STT3B: variants seen among roughly 807,000 people sequenced by gnomAD.
The protein encoded by STT3B is STT3 oligosaccharyltransferase complex catalytic subunit B, also known as dolichyl-diphosphooligosaccharide--protein glycosyltransferase subunit STT3B.
In STT3B, 29 loss-of-function variants were observed where a neutral mutation model predicts 96.8. The observed-to-expected ratio is 0.30, with a 90% CI of 0.22 to 0.41. The LOEUF (loss-of-function observed/expected upper bound fraction) is 0.41, where lower values mean the gene tolerates loss of function less well. STT3B is among the 10% of genes least tolerant of loss of function. STT3B has a pLI of 1.00. For missense variants in STT3B, 640 were observed against 1,022.3 expected (o/e 0.63, Z 5.10); for synonymous variants, 367 against 360.0 (o/e 1.02, Z -0.22).
intron 1 of STT3B, among the ~76,000 whole-genome samples, chr3:31,564,051 A>G (rs1305062540): frequency 6.6e-6 from 1 of 152,216 alleles, no homozygotes; most frequent in African/African-American, 2.4e-5. Context: ...ACAGCATTGA[A>G]TATCAAGTAT....
intron 2 of STT3B, among the ~76,000 whole-genome samples, chr3:31,578,502 C>G (rs1360007327): frequency 6.6e-6 from 1 of 151,846 alleles, no homozygotes; most frequent in African/African-American, 2.4e-5. Context: ...TCAGTTCAGT[C>G]TACCGTATTA....
Position 31,636,651 on chromosome 3 carries a change from T to C in STT3B, c.*587T>C, listed in dbSNP as rs1184190495. ...ACTGTTTGCTCTGAGAAGAAGCTGC[T>C]GTTTCAAAGATGGACCTCTGAGTAG... On this transcript the variant is annotated 3_prime_UTR_variant, in exon 16 of 16. Transcript: ENST00000295770. The C allele has an allele frequency of 6.6e-6, 1 of 152,218 alleles. No homozygotes were observed. Among genetic ancestry groups the C allele is most frequent in the Admixed American group, 6.5e-5 (1 of 15,276 alleles). 9.4% of individuals were successfully genotyped at this position (152,218 alleles called of 1,614,324 possible).
intron 3 of STT3B, among the ~76,000 whole-genome samples, chr3:31,587,538 C>T (rs1375711505): frequency 1.3e-5 from 2 of 151,998 alleles, no homozygotes; most frequent in African/African-American, 2.4e-5. Flanking sequence ...TTACATCTGG[C>T]TTCTTTCACT....
At chr3:31,625,870 C>T (rs1254416342) in intron 12 of STT3B, 84 bp from the exon 13 acceptor site, 1 of 1,272,550 alleles carries the variant, frequency 7.9e-7, no homozygotes, top group Non-Finnish European at 1.1e-6. Flanking sequence ...TTGATGAATT[C>T]CATGTTGTAG....
chr3:31,617,192 T>TTC, intron 7 of STT3B, 117 bp downstream of exon 7: 2 of 817,936 alleles, frequency 2.4e-6, no homozygotes, highest in Non-Finnish European at 3.5e-6. Context: ...TTTTCTTTTT[T>TTC]TTTTTTTTTG....
At position 31,600,387 on chromosome 3, in the gene STT3B, A is replaced by G; in HGVS notation, c.805A>G (p.Ile269Val). Residue 269 changes from isoleucine to valine, a missense_variant, in exon 5 of 16, where the codon ATC becomes GTC. By Grantham distance (29) the Ile-to-Val change is conservative. Coordinates refer to ENST00000295770, the MANE Select transcript of STT3B (RefSeq NM_178862.3). The part of the protein sequence containing the change: ...MVSAWGGYVF[I>V]INLIPLHVFV... ...CTCTGCTTGGGGTGGTTATGTATTT[A>G]TCATCAATCTTATTCCACTGCATGT... is the stretch of plus-strand genomic sequence containing the variant. The G allele has an allele frequency of 6.3e-7, 1 of 1,587,564 alleles. No homozygotes were observed. The highest frequency in any genetic ancestry group is 8.6e-7 in the Non-Finnish European group (1 of 1,160,254).
chr3:31,634,283 C>A (rs765332921), intron 15 of STT3B, among the ~76,000 whole-genome samples: 23 of 152,282 alleles, frequency 1.5e-4, no homozygotes, highest in Non-Finnish European at 2.9e-4. Context: ...AAAGCAGTTA[C>A]TCCTAAGATA....
intron 1 of STT3B, among the ~76,000 whole-genome samples, chr3:31,561,982 G>A (rs62234709): frequency 0.17 from 25,581 of 152,054 alleles, 2,380 homozygotes; most frequent in East Asian, 0.25. Context: ...TTTTGATGGG[G>A]TCAGGGATAC....
At position 31,559,082 on chromosome 3, in the gene STT3B, G is replaced by GT. The variant is rs1208331748; in HGVS notation, c.315-17301dup. On this transcript the variant is annotated intron_variant, in intron 1 of 15. Transcript: ENST00000295770. ...GGTTAGTCTAGGAAGTGCCTTATTG[G>GT]TTTTTTTTTTTTTAAATCTTTTCAA... is the stretch of plus-strand genomic sequence containing the variant. 4.2e-3 allele frequency among the ~76,000 whole-genome samples: 491 copies of GT among 116,650 alleles called. 1 individual carries two copies. Among genetic ancestry groups the GT allele is most frequent in the East Asian group, 0.016 (65 of 4,100 alleles). 76.5% of individuals were successfully genotyped at this position (116,650 alleles called of 152,430 possible). A position where few individuals can be genotyped will look rare whatever the true frequency, so the allele number is the denominator to read the frequency against.
intron 1 of STT3B, among the ~76,000 whole-genome samples, chr3:31,553,964 A>T (rs576224530): frequency 6.6e-6 from 1 of 152,192 alleles, no homozygotes; most frequent in South Asian, 2.1e-4. Flanking sequence ...TTATATCCAT[A>T]TTTTATGGCT....
intron 1 of STT3B, among the ~76,000 whole-genome samples, chr3:31,537,333 AAGAC>A (rs1387633629): frequency 1.3e-5 from 2 of 152,220 alleles, no homozygotes; most frequent in Admixed American, 1.3e-4. Flanking sequence ...AGTTCTGAAG[AAGAC>A]AAATTGGTAG....
chr3:31,594,576 T>C (rs1467216748), intron 3 of STT3B, among the ~76,000 whole-genome samples: 1 of 152,008 alleles, frequency 6.6e-6, no homozygotes, highest in Admixed American at 6.6e-5. Context: ...ATTATAGTCG[T>C]GCACCACCAC....
intron 1 of STT3B, among the ~76,000 whole-genome samples, chr3:31,564,576 CCA>C (rs1380183693): frequency 6.6e-6 from 1 of 152,184 alleles, no homozygotes; most frequent in Admixed American, 6.5e-5. Context: ...GGCATAATAA[CCA>C]CTCATAAAAT....
intron 3 of STT3B, among the ~76,000 whole-genome samples, chr3:31,596,185 T>G (rs1457815249): frequency 6.6e-6 from 1 of 152,230 alleles, no homozygotes; most frequent in East Asian, 1.9e-4. Flanking sequence ...TAGTTAGTGG[T>G]TGTAAAATAT....
chr3:31,623,414 G>C (rs1295957927), intron 10 of STT3B, among the ~76,000 whole-genome samples: 1 of 152,108 alleles, frequency 6.6e-6, no homozygotes, highest in Non-Finnish European at 1.5e-5. Flanking sequence ...AGGACAACTG[G>C]GTTTGAAAGC....
intron 1 of STT3B, among the ~76,000 whole-genome samples, chr3:31,562,479 G>C (rs962080919): frequency 1.3e-5 from 2 of 152,168 alleles, no homozygotes; most frequent in African/African-American, 4.8e-5. Flanking sequence ...TTTGGTGGGG[G>C]TATGGAGCTA....
At chr3:31,600,307 C>G in intron 4 of STT3B, 53 bp from the exon 5 acceptor site, 1 of 790,544 alleles carries the variant, frequency 1.3e-6, no homozygotes, top group Non-Finnish European at 2.0e-6. Flanking sequence ...CCTAAATATA[C>G]TTATTTTAAA....
intron 5 of STT3B, among the ~76,000 whole-genome samples, chr3:31,605,129 A>G (rs959530631): frequency 2.0e-4 from 31 of 152,162 alleles, no homozygotes; most frequent in Non-Finnish European, 1.3e-4. Context: ...AAAGAGTTCA[A>G]GAGGCTAAGA....
At chr3:31,625,261 A>G (rs1016390717) in intron 12 of STT3B, among the ~76,000 whole-genome samples, 176 bp downstream of exon 12, 1 of 152,190 alleles carries the variant, frequency 6.6e-6, no homozygotes, top group Non-Finnish European at 1.5e-5. Flanking sequence ...TTTGTTTTTA[A>G]GAATGATACT....
Sources: gnomAD v4.1 joint callset for allele counts (sites outside exome capture counted in the v4.1 genomes callset) on GRCh38, gnomAD v4.1.1 for gene constraint, MANE v1.5 for transcripts, NCBI Gene and HGNC (gene_info 2026-07-23, HGNC 2026-07-21) for gene names.